The following MAP7 variants were observed in gnomAD, a reference collection of about 807,000 sequenced individuals.
The protein encoded by MAP7 is ensconsin.
A neutral mutation model predicts 94.8 loss-of-function variants in MAP7; 52 were observed. The observed-to-expected ratio is 0.55, with a 90% CI of 0.44 to 0.69. MAP7 has a LOEUF of 0.69. Ranked by LOEUF, MAP7 falls within the 30% of genes least tolerant of loss-of-function variation. The pLI is 0.00. For synonymous variants in MAP7, 350 were observed against 357.0 expected (o/e 0.98, Z 0.22); for missense variants, 940 against 964.6 (o/e 0.97, Z 0.34).
In MAP7 at chr6:136,362,469, C is replaced by T. The variant is rs1793104952; in HGVS notation, c.1507G>A (p.Glu503Lys). ...QREKEERERR[E>K]QEELERQKRE... ...ATTTACCTTTCAAGCTCTTCCTGCTCCCTCCTCTCCCTTTCTTCCTTTTCT... is the reference window on the plus strand; with the variant it reads ...ATTTACCTTTCAAGCTCTTCCTGCTTCCTCCTCTCCCTTTCTTCCTTTTCT... Residue 503 changes from glutamate to lysine, a missense_variant, in exon 11 of 18, where the codon GAG (glutamate) becomes AAG (lysine). Glu to Lys is a moderately conservative substitution (Grantham distance 56). Coordinates refer to ENST00000354570, the MANE Select transcript of MAP7 (RefSeq NM_003980.6). 1 of 1,613,990 alleles carries T rather than the reference C, an allele frequency of 6.2e-7. No homozygotes were observed. Among genetic ancestry groups the T allele is most frequent in the Non-Finnish European group, 8.5e-7 (1 of 1,180,002 alleles).
intron 1 of MAP7, among the ~76,000 whole-genome samples, chr6:136,508,394 A>T (rs551978329): frequency 6.6e-6 from 1 of 152,326 alleles, no homozygotes; most frequent in African/African-American, 2.4e-5. Flanking sequence ...TTGTCACATC[A>T]TTATGAGTCC....
At chr6:136,487,136 G>A (rs1815036063) in intron 1 of MAP7, among the ~76,000 whole-genome samples, 1 of 152,198 alleles carries the variant, frequency 6.6e-6, no homozygotes, top group African/African-American at 2.4e-5. Flanking sequence ...AAGTGGTGGG[G>A]AGAGGTGGAA....
intron 1 of MAP7, among the ~76,000 whole-genome samples, chr6:136,501,073 C>A (rs552089155): frequency 6.6e-4 from 100 of 152,270 alleles, no homozygotes; most frequent in African/African-American, 2.3e-3. Context: ...ATCACATGCT[C>A]CTTTTGAGAA....
At chr6:136,366,100 G>T in intron 9 of MAP7, 82 bp from the exon 10 acceptor site, 2 of 1,393,172 alleles carry the variant, frequency 1.4e-6, no homozygotes, top group Non-Finnish European at 1.9e-6. Flanking sequence ...CTCGATGGAA[G>T]AGAATGCAGA....
chr6:136,469,721 C>T (rs1808353819), intron 1 of MAP7, among the ~76,000 whole-genome samples: 2 of 152,176 alleles, frequency 1.3e-5, no homozygotes, highest in Admixed American at 6.5e-5. Flanking sequence ...AGCAAAACTA[C>T]ATCAGTGCTG....
intron 1 of MAP7, among the ~76,000 whole-genome samples, chr6:136,466,402 G>T (rs1374043732): frequency 6.6e-6 from 1 of 151,916 alleles, no homozygotes; most frequent in Non-Finnish European, 1.5e-5. Context: ...TGTTTGTCTA[G>T]TTTGCTACTG....
At chr6:136,504,228 G>A (rs531447342) in intron 1 of MAP7, among the ~76,000 whole-genome samples, 58 of 152,250 alleles carry the variant, frequency 3.8e-4, no homozygotes, top group African/African-American at 1.3e-3. Context: ...TTATCTCCCT[G>A]GGAAGGGAAA....
chr6:136,549,979 G>A (rs1830011552), intron 1 of MAP7, among the ~76,000 whole-genome samples: 1 of 152,216 alleles, frequency 6.6e-6, no homozygotes, highest in Non-Finnish European at 1.5e-5. Context: ...TTTGGTCTGG[G>A]GGATACGATT....
intron 1 of MAP7, chr6:136,466,660 T>C: frequency 8.7e-7 from 1 of 1,152,912 alleles, no homozygotes; most frequent in Non-Finnish European, 1.2e-6. Flanking sequence ...GTACTTCCAC[T>C]TGTTATAAGT....
intron 1 of MAP7, among the ~76,000 whole-genome samples, chr6:136,528,535 A>G (rs1191992260): frequency 1.3e-5 from 2 of 152,238 alleles, no homozygotes; most frequent in Non-Finnish European, 2.9e-5. Flanking sequence ...AGCATAACAA[A>G]ACAAAAAAGC....
chr6:136,385,008 G>A (rs3799412), intron 5 of MAP7, among the ~76,000 whole-genome samples: 1,654 of 152,234 alleles, frequency 0.011, 21 homozygotes, highest in East Asian at 0.039. Context: ...AAAGTGAAAG[G>A]GGTTTTTGCT....
intron 5 of MAP7, among the ~76,000 whole-genome samples, chr6:136,385,115 T>C (rs973791365): frequency 6.6e-6 from 1 of 152,236 alleles, no homozygotes; most frequent in East Asian, 1.9e-4. Flanking sequence ...CCCGTTGGTC[T>C]AACCTTGGCA....
At chr6:136,409,004 T>C (rs1786506260) in intron 3 of MAP7, among the ~76,000 whole-genome samples, 1 of 151,958 alleles carries the variant, frequency 6.6e-6, no homozygotes, top group Non-Finnish European at 1.5e-5. Context: ...TTTATGAAGA[T>C]TGAAGGGAGC....
intron 1 of MAP7, among the ~76,000 whole-genome samples, chr6:136,510,095 G>A (rs1478723472): frequency 2.0e-5 from 3 of 152,198 alleles, no homozygotes; most frequent in African/African-American, 4.8e-5. Context: ...CCTGCCACTC[G>A]GGAGGCTGAG....
intron 15 of MAP7, 118 bp downstream of exon 15, chr6:136,359,700 CTG>C (rs1371243275): frequency 2.2e-6 from 2 of 899,988 alleles, no homozygotes; most frequent in Non-Finnish European, 3.5e-6. Context: ...CCCTAAGCTT[CTG>C]TGAGTCTGTA....
chr6:136,407,091 G>C (rs1562364382), intron 3 of MAP7, among the ~76,000 whole-genome samples: 2 of 152,204 alleles, frequency 1.3e-5, no homozygotes, highest in Admixed American at 6.5e-5. Context: ...TTAGAACACT[G>C]CCTGGCCCAT....
At position 136,439,494 on chromosome 6, in the gene MAP7, T is replaced by G. The variant is rs140930240; in HGVS notation, c.68-17695A>C. Among the ~76,000 whole-genome samples, 1,006 of 152,268 alleles carry G rather than the reference T, an allele frequency of 6.6e-3. 10 individuals carry two copies. Among genetic ancestry groups the G allele is most frequent in the South Asian group, 0.013 (64 of 4,816 alleles). On this transcript the variant is annotated intron_variant, in intron 1 of 17. Coordinates refer to ENST00000354570, the MANE Select transcript of MAP7 (RefSeq NM_003980.6). The stretch of plus-strand genomic sequence containing the variant: ...TTTGTTATTAGCAGCATAAACGGTC[T>G]AAGACAATACCTAAAAATGTGTGCA...
intron 1 of MAP7, among the ~76,000 whole-genome samples, chr6:136,477,699 A>G (rs1583024109): frequency 1.3e-5 from 2 of 152,234 alleles, no homozygotes; most frequent in African/African-American, 4.8e-5. Flanking sequence ...GAATGACACC[A>G]TTACAGTAAT....
intron 6 of MAP7, among the ~76,000 whole-genome samples, chr6:136,380,069 C>T (rs73559062): frequency 0.011 from 1,648 of 152,136 alleles, 20 homozygotes; most frequent in East Asian, 0.039. Flanking sequence ...ATTACCAAAC[C>T]GAAGGGAGAG....
Sources: allele counts gnomAD v4.1 joint callset (sites outside exome capture counted in the v4.1 genomes callset), GRCh38; gene constraint gnomAD v4.1.1; transcripts MANE v1.5; gene names NCBI Gene and HGNC (gene_info 2026-07-23, HGNC 2026-07-21).